Variants in PLEKHH1 observed in about 807,000 individuals in gnomAD.
PLEKHH1 encodes the protein pleckstrin homology domain-containing family H member 1.
A neutral mutation model predicts 160.0 loss-of-function variants in PLEKHH1; 104 were observed. That is an observed-to-expected ratio of 0.65 (90% CI 0.55 to 0.76). PLEKHH1 has a LOEUF of 0.76. Ranked by LOEUF, PLEKHH1 falls within the 30% of genes least tolerant of loss-of-function variation. The pLI is 0.00. For missense variants in PLEKHH1, 1,427 were observed against 1,724.1 expected (o/e 0.83, Z 3.05); for synonymous variants, 619 against 678.4 (o/e 0.91, Z 1.36).
intron 18 of PLEKHH1, 84 bp from the exon 19 acceptor site, chr14:67,577,935 CTGGA>C (rs1408712006): frequency 8.0e-7 from 1 of 1,252,822 alleles, no homozygotes; most frequent in African/African-American, 1.5e-5. Context: ...TCTAACCTCC[CTGGA>C]GCCCTTGGAA....
At chr14:67,585,688 C>A in intron 27 of PLEKHH1, 34 bp downstream of exon 27, 1 of 1,402,434 alleles carries the variant, frequency 7.1e-7, no homozygotes, top group African/African-American at 1.4e-5. Flanking sequence ...CCTGACCCCT[C>A]CTCTTCCTCA....
intron 2 of PLEKHH1, among the ~76,000 whole-genome samples, chr14:67,549,758 A>G (rs141642802): frequency 0.011 from 1,673 of 152,340 alleles, 44 homozygotes; most frequent in African/African-American, 0.039. Context: ...TTCTGTGGCC[A>G]GGCTACTGTT....
rs143203423 is a variant in PLEKHH1, at chr14:67,541,786, C to T, written c.-34-48C>T. The T allele has an allele frequency of 8.4e-6, 11 of 1,312,484 alleles. 1 individual carries two copies. In the African/African-American group the frequency reaches 1.3e-4, roughly 16 times the overall value. 81.3% of individuals were successfully genotyped at this position (1,312,484 alleles called of 1,614,324 possible). A position where few individuals can be genotyped will look rare whatever the true frequency, so the allele number is the denominator to read the frequency against. ...CCCGTTCTTTCCCCACAGAACTCTT[C>T]CTCACACGCTTATTTATCTTTTCCT... is the stretch of plus-strand genomic sequence containing the variant. On this transcript the variant is annotated intron_variant, in intron 1 of 28. Transcript: ENST00000329153.
chr14:67,577,485 T>A (rs57526705), intron 18 of PLEKHH1, 71 bp downstream of exon 18: 7 of 986,584 alleles, frequency 7.1e-6, no homozygotes, highest in Non-Finnish European at 1.1e-5. Context: ...GCCTGTGCAG[T>A]TGGGGACAAC....
chr14:67,581,856 C>A, intron 23 of PLEKHH1: 1 of 540,742 alleles, frequency 1.8e-6, no homozygotes, highest in Non-Finnish European at 3.3e-6. Flanking sequence ...CAGAATGAAC[C>A]ATGCCCTCCT....
Position 67,578,083 on chromosome 14 carries a change from C to T in PLEKHH1, c.2635C>T (p.Leu879=). ...EAASVDYHVS[L]AQTALQVCLV... ...TGCCTCGGTGGACTACCATGTGTCC[C>T]TGGCCCAGACCGCACTGCAGGTCTG... is the stretch of plus-strand genomic sequence containing the variant. Residue 879 remains leucine (L), a synonymous_variant, in exon 19 of 29, where the codon CTG becomes TTG. Transcript: ENST00000329153. This position sits in a 1 kb window ranked among gnomAD's most constrained non-coding sequence, Gnocchi z 5.0. The T allele has an allele frequency of 6.2e-7, 1 of 1,613,862 alleles. No individual in the cohort carries two copies. Among genetic ancestry groups the T allele is most frequent in the Non-Finnish European group, 8.5e-7 (1 of 1,179,796 alleles).
At chr14:67,580,262 CTT>C (rs2140521312) in intron 22 of PLEKHH1, 1 of 189,814 alleles carries the variant, frequency 5.3e-6, no homozygotes, top group Non-Finnish European at 1.1e-5. Flanking sequence ...CAGCACCTCA[CTT>C]TTACCCTTTC....
At chr14:67,542,223 A>G (rs2033996689) in intron 2 of PLEKHH1, among the ~76,000 whole-genome samples, 1 of 152,196 alleles carries the variant, frequency 6.6e-6, no homozygotes, top group African/African-American at 2.4e-5. Context: ...CATGCTGCCA[A>G]TCTTCTCGGT....
chr14:67,539,732 C>T (rs1471113751), intron 1 of PLEKHH1, among the ~76,000 whole-genome samples: 2 of 152,140 alleles, frequency 1.3e-5, no homozygotes, highest in Non-Finnish European at 2.9e-5. Flanking sequence ...GAATTTGGGA[C>T]CAGAATCCCA....
chr14:67,570,004 C>T lies in PLEKHH1; in HGVS notation c.1426C>T (p.Leu476=), dbSNP rs747329536. The change falls in exon 9 of 29, where the codon CTG becomes TTG. Residue 476 remains leucine, a synonymous_variant. Coordinates refer to ENST00000329153, the MANE Select transcript of PLEKHH1 (RefSeq NM_020715.3). ...KNVTVPVYTA[L]KGRATQISNM... ...TGTCACTGTGCCTGTCTACACAGCA[C>T]TGAAGGGGGTAAGAAACTGCTGCAC... The T allele has an allele frequency of 1.3e-6, 2 of 1,592,022 alleles. No individual in the cohort carries two copies. The highest frequency in any genetic ancestry group is 1.7e-6 in the Non-Finnish European group (2 of 1,164,148).
chr14:67,552,064 C>T (rs1030274895), intron 2 of PLEKHH1, among the ~76,000 whole-genome samples: 2 of 152,170 alleles, frequency 1.3e-5, no homozygotes, highest in African/African-American at 4.8e-5. Context: ...GAGCTGTACA[C>T]TTGGGGGTTA....
In PLEKHH1 at chr14:67,576,568, A is replaced by T. The variant is rs1281546415; in HGVS notation, c.2461+65A>T. 9 of 816,654 alleles carry T rather than the reference A, an allele frequency of 1.1e-5. No individual in the cohort carries two copies. In the South Asian group the frequency reaches 1.2e-4, roughly 10 times the overall value. 50.6% of individuals were successfully genotyped at this position (816,654 alleles called of 1,614,324 possible). A position where few individuals can be genotyped will look rare whatever the true frequency, so the allele number is the denominator to read the frequency against. ...AGTGGCTTGGTGACTATTGGTCAAG[A>T]TCCCAAAGAAAGCAGTGTTGTACCC... On this transcript the variant is annotated intron_variant, in intron 17 of 28. Transcript: ENST00000329153. This position sits in a 1 kb window ranked among gnomAD's most constrained non-coding sequence, Gnocchi z 4.0.
In PLEKHH1 at chr14:67,578,703, G is replaced by C; in HGVS notation, c.2849+72G>C. ...GCCGCATGAATAAGAGGGATGAGAG[G>C]AGTCTAGGGCAGACCAGATCACTCC... On this transcript the variant is annotated intron_variant, in intron 20 of 28. Coordinates refer to ENST00000329153, the MANE Select transcript of PLEKHH1 (RefSeq NM_020715.3). This position sits in a 1 kb window ranked among gnomAD's most constrained non-coding sequence, Gnocchi z 5.0. The C allele has an allele frequency of 1.0e-6, 1 of 983,938 alleles. No homozygotes were observed. Among genetic ancestry groups the C allele is most frequent in the Non-Finnish European group, 1.6e-6 (1 of 629,312 alleles). 61.0% of individuals were successfully genotyped at this position (983,938 alleles called of 1,614,324 possible).
At chr14:67,571,610 T>C (rs1420216694) in intron 9 of PLEKHH1, 142 bp from the exon 10 acceptor site, 8 of 740,824 alleles carry the variant, frequency 1.1e-5, no homozygotes, top group Non-Finnish European at 1.8e-5. Flanking sequence ...AGGAGGGACC[T>C]TACACTGGAC....
chr14:67,577,455 G>A (rs1229665600), intron 18 of PLEKHH1, 41 bp downstream of exon 18: 4 of 1,271,240 alleles, frequency 3.1e-6, no homozygotes, highest in Non-Finnish European at 4.5e-6. Context: ...TGGGATACTT[G>A]CAATACTTGG....
intron 2 of PLEKHH1, among the ~76,000 whole-genome samples, chr14:67,543,395 A>AGGGTACTGCC (rs1490387323): frequency 6.6e-6 from 1 of 152,198 alleles, no homozygotes; most frequent in Non-Finnish European, 1.5e-5. Flanking sequence ...AGAGATGTGC[A>AGGGTACTGCC]GGGTACTGCC....
intron 3 of PLEKHH1, 28 bp downstream of exon 3, chr14:67,555,915 T>C: frequency 1.2e-6 from 2 of 1,610,124 alleles, no homozygotes; most frequent in Non-Finnish European, 8.5e-7. Flanking sequence ...TCGGCGGGAA[T>C]ATGCAGGGGA....
intron 2 of PLEKHH1, among the ~76,000 whole-genome samples, chr14:67,543,080 C>T (rs1041656136): frequency 3.3e-5 from 5 of 152,194 alleles, no homozygotes; most frequent in Non-Finnish European, 7.3e-5. Flanking sequence ...GAGTGAAGAC[C>T]TGCACTTAAA....
intron 7 of PLEKHH1, among the ~76,000 whole-genome samples, chr14:67,568,463 GA>G (rs985287659): frequency 6.6e-6 from 1 of 152,052 alleles, no homozygotes; most frequent in Non-Finnish European, 1.5e-5. Flanking sequence ...GGCGGTGGGG[GA>G]GTATTAGGGA....
Sources: allele counts gnomAD v4.1 joint callset (sites outside exome capture counted in the v4.1 genomes callset), GRCh38; gene constraint gnomAD v4.1.1; non-coding constraint Gnocchi (gnomAD v3.1); transcripts MANE v1.5; gene names NCBI Gene and HGNC (gene_info 2026-07-23, HGNC 2026-07-21).